Variants in XIRP2 observed in about 807,000 individuals in gnomAD.
XIRP2 encodes the protein xin actin-binding repeat-containing protein 2.
XIRP2 carries 236 observed loss-of-function variants against 277.0 expected under a neutral mutation model. The ratio of observed to expected loss-of-function variants is 0.85; its 90% confidence interval spans 0.77 to 0.95. The LOEUF is 0.95. Among genes scored for constraint, XIRP2 ranks in the 40% least tolerant of loss-of-function variants. The pLI is 0.00. For missense variants in XIRP2, 4,640 were observed against 4,157.5 expected, an observed-to-expected ratio of 1.12 and a Z score of -3.19; for synonymous variants, 1,490 against 1,416.5, an observed-to-expected ratio of 1.05 and a Z score of -1.17.
chr2:166,942,753 A>G lies in XIRP2; in HGVS notation c.408+38863A>G, dbSNP rs191238680. ...TCTGTTTTTCACATACTTGTATTAG[A>G]AAAGAAATATCAGTATGAGGTTTTT... On this transcript the variant is annotated intron_variant, in intron 2 of 10. Coordinates refer to ENST00000409195, the MANE Select transcript of XIRP2 (RefSeq NM_152381.6). Among the ~76,000 whole-genome samples the G allele has an allele frequency of 9.8e-4, 150 of 152,326 alleles. 1 individual carries two copies. The highest frequency in any genetic ancestry group is 3.5e-3 in the African/African-American group (147 of 41,588).
intron 2 of XIRP2, among the ~76,000 whole-genome samples, chr2:166,906,762 G>T (rs1343167921): frequency 1.3e-5 from 2 of 151,978 alleles, no homozygotes; most frequent in Non-Finnish European, 2.9e-5. Context: ...TTCCAGAACA[G>T]CCCAGGCAAC....
Position 166,915,025 on chromosome 2 carries a change from C to T in XIRP2, c.408+11135C>T, listed in dbSNP as rs552835966. Among the ~76,000 whole-genome samples, 42 of 151,746 alleles carry T rather than the reference C, an allele frequency of 2.8e-4. 1 individual carries two copies. Among genetic ancestry groups the T allele is most frequent in the Admixed American group, 1.7e-3 (26 of 15,228 alleles). On this transcript the variant is annotated intron_variant, in intron 2 of 10. Transcript: ENST00000409195. ...AAAAAAAGACATATTAGTCTGGGAG[C>T]GGTGGCTCACACCTGTAATCCCAGC...
At chr2:167,086,167 G>A (rs570544235) in intron 2 of XIRP2, among the ~76,000 whole-genome samples, 4,203 of 152,118 alleles carry the variant, frequency 0.028, 157 homozygotes, top group African/African-American at 0.088. Context: ...GCATTTGCTT[G>A]TCTGTAAAGT....
At position 167,214,226 on chromosome 2, in the gene XIRP2, G is replaced by GAGGAAGGA. The variant is rs1295438859; in HGVS notation, c.723+3357_723+3364dup. On this transcript the variant is annotated intron_variant, in intron 4 of 10. Transcript: ENST00000409195. ...AAAGAGAGGGAGGGAGGGAGGGAGGGAGGAAGGAAGGAAGGAAGGAAGGAA... is the reference window on the plus strand; with the variant it reads ...AAAGAGAGGGAGGGAGGGAGGGAGGGAGGAAGGAAGGAAGGAAGGAAGGAAGGAAGGAA... Among the ~76,000 whole-genome samples the GAGGAAGGA allele has an allele frequency of 3.3e-3, 219 of 67,332 alleles. 2 individuals carry two copies. Among genetic ancestry groups the GAGGAAGGA allele is most frequent in the East Asian group, 0.012 (23 of 1,858 alleles). The allele number at this position is 67,332 out of a possible 152,430, so 44.2% of individuals were successfully genotyped here. A position where few individuals can be genotyped will look rare whatever the true frequency, so the allele number is the denominator to read the frequency against.
At position 167,209,966 on chromosome 2, in the gene XIRP2, T is replaced by C. The variant is rs138026278; in HGVS notation, c.563-769T>C. 3.2e-3 allele frequency among the ~76,000 whole-genome samples: 489 copies of C among 152,252 alleles called. 1 individual carries two copies. The highest frequency in any genetic ancestry group is 0.011 in the African/African-American group (460 of 41,564). On this transcript the variant is annotated intron_variant, in intron 3 of 10. Transcript: ENST00000409195. ...CAACTGCTATTCTGTGATTGTGCAA[T>C]CAGTCTTTAACACTACTTCCAGATA...
In XIRP2 at chr2:167,248,101, G is replaced by T. The variant is rs771457189; in HGVS notation, c.6709G>T (p.Ala2237Ser). 5 of 1,613,148 alleles carry T rather than the reference G, an allele frequency of 3.1e-6. No individual in the cohort carries two copies. The highest frequency in any genetic ancestry group is 3.4e-6 in the Non-Finnish European group (4 of 1,179,682). ...TGAAAAAAGTCACAATACATTTAAG[G>T]CAACCAACAAAAAGCGGGAGACTGA... ...VSEKSHNTFKATNKKRETDVH... is the reference protein window; with the variant it reads ...VSEKSHNTFKSTNKKRETDVH... Residue 2237 changes from alanine to serine, a missense_variant, in exon 9 of 11, where the codon GCA becomes TCA. Transcript: ENST00000409195.
At chr2:167,044,850 C>T (rs1340750845) in intron 2 of XIRP2, among the ~76,000 whole-genome samples, 1 of 151,858 alleles carries the variant, frequency 6.6e-6, no homozygotes, top group African/African-American at 2.4e-5. Flanking sequence ...AGATTCGATG[C>T]TATTCCTATC....
At chr2:167,139,562 G>A (rs190961052) in intron 3 of XIRP2, among the ~76,000 whole-genome samples, 218 of 151,850 alleles carry the variant, frequency 1.4e-3, no homozygotes, top group Middle Eastern at 6.8e-3. Context: ...CTCCTCTGAC[G>A]GGTTTTACAA....
intron 2 of XIRP2, among the ~76,000 whole-genome samples, chr2:167,061,000 A>G (rs1374203222): frequency 6.6e-6 from 1 of 152,202 alleles, no homozygotes; most frequent in South Asian, 2.1e-4. Context: ...ATTTATGCTT[A>G]TATATCTCTC....
chr2:166,994,946 A>G (rs1236948216), intron 2 of XIRP2, among the ~76,000 whole-genome samples: 2 of 151,600 alleles, frequency 1.3e-5, no homozygotes, highest in South Asian at 2.1e-4. Context: ...CCGAGTCTCC[A>G]TCTCAGCTCA....
intron 2 of XIRP2, among the ~76,000 whole-genome samples, chr2:166,923,825 T>C (rs193221127): frequency 1.3e-5 from 2 of 152,220 alleles, no homozygotes; most frequent in African/African-American, 4.8e-5. Flanking sequence ...CAGTAAAGTT[T>C]TGGCCTTTAA....
At chr2:166,979,348 T>C (rs1196935562) in intron 2 of XIRP2, among the ~76,000 whole-genome samples, 1 of 128,582 alleles carries the variant, frequency 7.8e-6, no homozygotes, top group African/African-American at 3.3e-5. Context: ...TGTTTCCTTT[T>C]CTTTTCTTTT....
chr2:167,207,082 T>C (rs1693878576), intron 3 of XIRP2, among the ~76,000 whole-genome samples: 2 of 152,304 alleles, frequency 1.3e-5, no homozygotes, highest in Middle Eastern at 3.4e-3. Flanking sequence ...TGTAACTCTA[T>C]GAAAATTTTA....
At chr2:166,896,324 T>C (rs1456286802) in intron 1 of XIRP2, among the ~76,000 whole-genome samples, 4 of 152,148 alleles carry the variant, frequency 2.6e-5, no homozygotes, top group East Asian at 3.9e-4. Context: ...AAGGCATTAT[T>C]ATCAGTGGAG....
chr2:167,133,721 C>T (rs1691451302), intron 2 of XIRP2, among the ~76,000 whole-genome samples: 1 of 152,140 alleles, frequency 6.6e-6, no homozygotes, highest in African/African-American at 2.4e-5. Context: ...TTTGCCAATG[C>T]TAGCAGTTGG....
intron 2 of XIRP2, among the ~76,000 whole-genome samples, chr2:166,906,732 G>T (rs1684534958): frequency 6.6e-6 from 1 of 152,058 alleles, no homozygotes; most frequent in East Asian, 1.9e-4. Context: ...TGAGGCAGGA[G>T]AATCACTTGT....
intron 2 of XIRP2, among the ~76,000 whole-genome samples, chr2:166,966,599 T>G (rs1354541425): frequency 1.3e-5 from 2 of 151,946 alleles, no homozygotes; most frequent in Non-Finnish European, 2.9e-5. Flanking sequence ...ACTTCTATAT[T>G]TTTTATTCTC....
At chr2:167,184,862 A>G (rs1573940493) in intron 3 of XIRP2, among the ~76,000 whole-genome samples, 2 of 152,290 alleles carry the variant, frequency 1.3e-5, no homozygotes, top group African/African-American at 4.8e-5. Flanking sequence ...GTATCTAGGC[A>G]CTATCTATAT....
chr2:166,938,507 A>T (rs1428535983), intron 2 of XIRP2, among the ~76,000 whole-genome samples: 2 of 152,198 alleles, frequency 1.3e-5, no homozygotes, highest in African/African-American at 4.8e-5. Context: ...GGAGTGCTTT[A>T]CTTCCAACTA....
Sources: gnomAD v4.1 joint callset for allele counts (sites outside exome capture counted in the v4.1 genomes callset) on GRCh38, gnomAD v4.1.1 for gene constraint, MANE v1.5 for transcripts, NCBI Gene and HGNC (gene_info 2026-07-23, HGNC 2026-07-21) for gene names.